TNRC6B: variants seen among roughly 807,000 people sequenced by gnomAD.
TNRC6B encodes trinucleotide repeat-containing gene 6B protein.
TNRC6B carries 52 observed loss-of-function variants against 203.6 expected under a neutral mutation model. The ratio of observed to expected loss-of-function variants is 0.26; its 90% CI spans 0.20 to 0.32. TNRC6B has a LOEUF of 0.32. Ranked by LOEUF, TNRC6B falls within the 10% of genes least tolerant of loss-of-function variation. The pLI is 1.00. For missense variants in TNRC6B, 1,923 were observed against 2,286.2 expected (o/e 0.84, Z 3.24); for synonymous variants, 838 against 845.7 (o/e 0.99, Z 0.16).
At chr22:40,299,331 C>G (rs1228332287) in intron 12 of TNRC6B, among the ~76,000 whole-genome samples, 1 of 151,922 alleles carries the variant, frequency 6.6e-6, no homozygotes, top group Non-Finnish European at 1.5e-5. Context: ...CCTCCGCCTC[C>G]CAGCTTGAGG....
intron 1 of TNRC6B, among the ~76,000 whole-genome samples, chr22:40,241,555 A>C (rs191860354): frequency 6.6e-6 from 1 of 152,318 alleles, no homozygotes; most frequent in East Asian, 1.9e-4. Flanking sequence ...CTTTGATGGT[A>C]TTCAGGTTAA....
In TNRC6B at chr22:40,180,750, A is replaced by G. The variant is rs2069119921; in HGVS notation, c.5+2610A>G. 2.0e-5 allele frequency among the ~76,000 whole-genome samples: 3 copies of G among 152,238 alleles called. No homozygotes were observed. In the South Asian group the frequency reaches 6.2e-4, roughly 32 times the overall value. ...TGTGAATTGAAGCTTTAAAAACTTTAAAGATGTGGCCGATGTTATGAAGAG... is the reference window on the plus strand; with the variant it reads ...TGTGAATTGAAGCTTTAAAAACTTTGAAGATGTGGCCGATGTTATGAAGAG... On this transcript the variant is annotated intron_variant, in intron 1 of 22. Coordinates refer to ENST00000454349, the MANE Select transcript of TNRC6B (RefSeq NM_001162501.2).
chr22:40,245,204 C>T (rs924949677), intron 1 of TNRC6B, among the ~76,000 whole-genome samples: 23 of 152,074 alleles, frequency 1.5e-4, no homozygotes, highest in African/African-American at 4.6e-4. Context: ...GATTCTCCTG[C>T]CTCAGCCTCC....
chr22:40,049,342 C>T (rs2067725854), intron 1 of TNRC6B, among the ~76,000 whole-genome samples: 1 of 151,864 alleles, frequency 6.6e-6, no homozygotes, highest in Non-Finnish European at 1.5e-5. Flanking sequence ...TAACTCTCTG[C>T]CTTTTCTTAA....
intron 1 of TNRC6B, among the ~76,000 whole-genome samples, chr22:40,182,760 A>G (rs10222225): frequency 0.67 from 102,553 of 152,028 alleles, 36,182 homozygotes; most frequent in African/African-American, 0.89. Flanking sequence ...ATGAGTGGTA[A>G]TTTTTTGCTT....
At chr22:40,306,998 T>C (rs1258102099) in intron 15 of TNRC6B, among the ~76,000 whole-genome samples, 1 of 152,010 alleles carries the variant, frequency 6.6e-6, no homozygotes, top group Non-Finnish European at 1.5e-5. Flanking sequence ...ATAATAATAA[T>C]TTCATTTGAA....
At chr22:40,309,642 G>GGTCCCCTT (rs2071145240) in intron 16 of TNRC6B, among the ~76,000 whole-genome samples, 1 of 152,184 alleles carries the variant, frequency 6.6e-6, no homozygotes, top group African/African-American at 2.4e-5. Context: ...TGATTCACCA[G>GGTCCCCTT]GTCCCCTTGT....
At chr22:40,292,653 A>C (rs1470182068) in intron 12 of TNRC6B, among the ~76,000 whole-genome samples, 1 of 152,242 alleles carries the variant, frequency 6.6e-6, no homozygotes, top group East Asian at 1.9e-4. Context: ...GACCTGCACC[A>C]CCGTGATTCC....
At chr22:40,103,931 C>A (rs2068260889) in intron 1 of TNRC6B, among the ~76,000 whole-genome samples, 1 of 150,894 alleles carries the variant, frequency 6.6e-6, no homozygotes, top group South Asian at 2.1e-4. Flanking sequence ...GCATGAGCCA[C>A]CGCGCCCAGC....
At chr22:40,271,310 T>G (rs2070560179) in intron 6 of TNRC6B, among the ~76,000 whole-genome samples, 1 of 152,226 alleles carries the variant, frequency 6.6e-6, no homozygotes, top group South Asian at 2.1e-4. Context: ...TAAGGGATTA[T>G]CTTTTGATTA....
chr22:40,247,108 AC>A (rs1431149948), intron 2 of TNRC6B, among the ~76,000 whole-genome samples: 4 of 151,744 alleles, frequency 2.6e-5, no homozygotes, highest in Non-Finnish European at 5.9e-5. Flanking sequence ...CTGTTTCCCC[AC>A]CTTACCATTC....
chr22:40,213,430 G>T (rs2146424483), intron 1 of TNRC6B, among the ~76,000 whole-genome samples: 1 of 152,264 alleles, frequency 6.6e-6, no homozygotes, highest in East Asian at 1.9e-4. Context: ...AGGGGCTGGA[G>T]AACAAGTGGG....
intron 4 of TNRC6B, among the ~76,000 whole-genome samples, chr22:40,161,848 T>C (rs1569003143): frequency 1.3e-5 from 2 of 152,246 alleles, no homozygotes; most frequent in African/African-American, 2.4e-5. Context: ...TATTGCCATA[T>C]AATTACTACA....
chr22:40,076,702 A>T (rs2068017138), intron 1 of TNRC6B, among the ~76,000 whole-genome samples: 1 of 152,194 alleles, frequency 6.6e-6, no homozygotes, highest in Non-Finnish European at 1.5e-5. Flanking sequence ...CTCAAAAGCA[A>T]TTTTTATTAA....
intron 1 of TNRC6B, among the ~76,000 whole-genome samples, chr22:40,189,622 T>C (rs1436452457): frequency 6.6e-6 from 1 of 152,192 alleles, no homozygotes; most frequent in Non-Finnish European, 1.5e-5. Flanking sequence ...GTGATGTGTA[T>C]ATAAAATCTT....
intron 1 of TNRC6B, among the ~76,000 whole-genome samples, chr22:40,104,662 C>G (rs2068266677): frequency 6.6e-6 from 1 of 152,158 alleles, no homozygotes; most frequent in Non-Finnish European, 1.5e-5. Flanking sequence ...CATGGGAACC[C>G]AGAAGCAGAG....
intron 15 of TNRC6B, among the ~76,000 whole-genome samples, chr22:40,304,581 G>C (rs1456062509): frequency 6.6e-6 from 1 of 152,156 alleles, no homozygotes; most frequent in Non-Finnish European, 1.5e-5. Context: ...TTATTTATAT[G>C]AGTCAAATTT....
rs2070793587 is a variant in TNRC6B, at chr22:40,286,993, TTGTTTTTG to T, written c.3708+1231_3708+1238del. Among the ~76,000 whole-genome samples, 4 of 152,238 alleles carry T rather than the reference TTGTTTTTG, an allele frequency of 2.6e-5. No homozygotes were observed. The South Asian group carries it at 8.3e-4, about 32-fold the overall frequency. On this transcript the variant is annotated intron_variant, in intron 12 of 22. Transcript: ENST00000454349. Reference sequence around the variant, plus strand: ...GCAGGTTGTAAAGGTTCAGTTTTTGTTGTTTTTGTGTTTTTATTTATTTTTATTTTTTG... The same window carrying T: ...GCAGGTTGTAAAGGTTCAGTTTTTGTTGTTTTTATTTATTTTTATTTTTTG...
chr22:40,321,212 C>T lies in TNRC6B; in HGVS notation c.5097C>T (p.Ala1699=). Residue 1699 remains alanine, a synonymous_variant, in exon 22 of 23, where the codon GCC becomes GCT. Coordinates refer to ENST00000454349, the MANE Select transcript of TNRC6B (RefSeq NM_001162501.2). ...RYSTKQEAAK[A]QTALHMCVLG... is the part of the protein sequence containing the mutation. ...GCACCAAACAGGAGGCGGCCAAGGCCCAAACTGCACTGCACATGTGAGTAT... is the reference window on the plus strand; with the variant it reads ...GCACCAAACAGGAGGCGGCCAAGGCTCAAACTGCACTGCACATGTGAGTAT... 4 of 1,613,866 alleles carry T rather than the reference C, an allele frequency of 2.5e-6. No individual in the cohort carries two copies. The highest frequency in any genetic ancestry group is 3.4e-6 in the Non-Finnish European group (4 of 1,179,882).
Sources: allele counts gnomAD v4.1 joint callset (sites outside exome capture counted in the v4.1 genomes callset), GRCh38; gene constraint gnomAD v4.1.1; transcripts MANE v1.5; gene names NCBI Gene and HGNC (gene_info 2026-07-23, HGNC 2026-07-21).